Variants in BRINP3 observed in about 807,000 individuals in gnomAD.
BRINP3 encodes the protein BMP/retinoic acid-inducible neural-specific protein 3.
BRINP3 carries 19 observed loss-of-function variants against 71.0 expected under a neutral mutation model. The ratio of observed to expected loss-of-function variants is 0.27; its 90% CI spans 0.19 to 0.39. The LOEUF (loss-of-function observed/expected upper bound fraction) is 0.39. Ranked by LOEUF, BRINP3 falls within the 10% of genes least tolerant of loss-of-function variation. The pLI, the probability that BRINP3 is intolerant of heterozygous loss-of-function variation, is 1.00. For synonymous variants in BRINP3, 380 were observed against 337.7 expected (o/e 1.13, Z -1.37); for missense variants, 959 against 940.8 (o/e 1.02, Z -0.25).
chr1:190,352,365 A>G (rs912827881), intron 2 of BRINP3, among the ~76,000 whole-genome samples: 3 of 152,032 alleles, frequency 2.0e-5, no homozygotes, highest in African/African-American at 7.2e-5. Context: ...TCAAATGCGA[A>G]GGGTAAATAC....
intron 5 of BRINP3, among the ~76,000 whole-genome samples, chr1:190,232,745 A>T (rs1339539221): frequency 6.6e-6 from 1 of 152,184 alleles, no homozygotes; most frequent in African/African-American, 2.4e-5. Flanking sequence ...TAATTCAGAC[A>T]CAAATCAATA....
rs866266631 is a variant in BRINP3, at chr1:190,150,072, T to A, written c.1184+10596A>T. 7.2e-5 allele frequency among the ~76,000 whole-genome samples: 11 copies of A among 152,260 alleles called. 1 individual carries two copies. Among genetic ancestry groups the A allele is most frequent in the South Asian group, 6.2e-4 (3 of 4,822 alleles). ...TCACATTTTTTTTCAGTGTTAGGGA[T>A]TTGTGCTGGTATGCATCTCATAATA... On this transcript the variant is annotated intron_variant, in intron 7 of 7. Transcript: ENST00000367462.
rs1189800828 is a variant in BRINP3 at position 190,160,803 on chromosome 1, T to C, written c.1049A>G (p.Asn350Ser). Residue 350 changes from asparagine to serine, a missense_variant, in exon 7 of 8, where the codon AAT becomes AGT. By Grantham distance (46) the Asn-to-Ser change is conservative. Coordinates refer to ENST00000367462, the MANE Select transcript of BRINP3 (RefSeq NM_199051.3). ...TIMHLWTMDS[N>S]FQRRYEQLEN... ...CAGTTGTTCATAACGGCGCTGAAAA[T>C]TAGAATCCATTGTCCACAAATGCAT... The C allele has an allele frequency of 1.2e-6, 2 of 1,613,528 alleles. No homozygotes were observed. The highest frequency in any genetic ancestry group is 3.3e-5 in the Admixed American group (2 of 59,920).
At position 190,337,263 on chromosome 1, in the gene BRINP3, T is replaced by A. The variant is rs1226734205; in HGVS notation, c.237-55513A>T. On this transcript the variant is annotated intron_variant, in intron 2 of 7. Coordinates refer to ENST00000367462, the MANE Select transcript of BRINP3 (RefSeq NM_199051.3). The stretch of plus-strand genomic sequence containing the variant: ...TTCCAGTTCCCTATGCTTTGTTAGC[T>A]TTTGTTGCCTTCTGTTGACTTTGGA... Among the ~76,000 whole-genome samples, 5 of 152,088 alleles carry A rather than the reference T, an allele frequency of 3.3e-5. No individual in the cohort carries two copies. The East Asian group carries it at 9.7e-4, about 29-fold the overall frequency.
intron 2 of BRINP3, among the ~76,000 whole-genome samples, chr1:190,289,584 A>G (rs1416336112): frequency 1.3e-5 from 2 of 152,016 alleles, no homozygotes; most frequent in Non-Finnish European, 2.9e-5. Context: ...ACAATTTTAC[A>G]CACAAACACT....
At chr1:190,117,730 C>T (rs1302504642) in intron 7 of BRINP3, among the ~76,000 whole-genome samples, 3 of 151,996 alleles carry the variant, frequency 2.0e-5, no homozygotes, top group Admixed American at 6.6e-5. Flanking sequence ...TTGACAAGAA[C>T]TAACACCTGG....
chr1:190,112,175 A>G (rs1203058100), intron 7 of BRINP3, among the ~76,000 whole-genome samples: 1 of 152,178 alleles, frequency 6.6e-6, no homozygotes, highest in Non-Finnish European at 1.5e-5. Context: ...GAGAATGTGG[A>G]GGTTTGAAGC....
chr1:190,416,244 G>T (rs1240314543), intron 2 of BRINP3, among the ~76,000 whole-genome samples: 1 of 152,020 alleles, frequency 6.6e-6, no homozygotes, highest in Non-Finnish European at 1.5e-5. Context: ...CATTATATAA[G>T]ACAGAATTCT....
At chr1:190,342,386 A>AC (rs1667721713) in intron 2 of BRINP3, 1 of 151,120 alleles carries the variant, frequency 6.6e-6, no homozygotes, top group Admixed American at 6.6e-5. Context: ...AAAAAAAAAA[A>AC]AAAAAATGAT....
intron 2 of BRINP3, among the ~76,000 whole-genome samples, chr1:190,327,473 G>A (rs1571758439): frequency 2.5e-5 from 3 of 121,416 alleles, no homozygotes; most frequent in South Asian, 2.9e-4. Flanking sequence ...AGAGATCAAG[G>A]ACACAAACAA....
chr1:190,111,182 T>TAAAAAAA lies in BRINP3; in HGVS notation c.1185-12055_1185-12049dup, dbSNP rs750953190. Among the ~76,000 whole-genome samples, 19 of 61,798 alleles carry TAAAAAAA rather than the reference T, an allele frequency of 3.1e-4. 1 individual carries two copies. The highest frequency in any genetic ancestry group is 1.5e-3 in the African/African-American group (19 of 12,536). The allele number at this position is 61,798 out of a possible 152,430, so 40.5% of individuals were successfully genotyped here. ...CCTGGGCGACAGAGCAAGACTCCATTAAAAAAAAAAAAAAAAAAAAAAAAA... is the reference window on the plus strand; with the variant it reads ...CCTGGGCGACAGAGCAAGACTCCATTAAAAAAAAAAAAAAAAAAAAAAAAAAAAAAAA... On this transcript the variant is annotated intron_variant, in intron 7 of 7. Transcript: ENST00000367462.
At position 190,153,841 on chromosome 1, in the gene BRINP3, ACT is replaced by A. The variant is rs1455353563; in HGVS notation, c.1184+6825_1184+6826del. Among the ~76,000 whole-genome samples, 8 of 152,216 alleles carry A rather than the reference ACT, an allele frequency of 5.3e-5. No homozygotes were observed. In the East Asian group the frequency reaches 9.7e-4, roughly 18 times the overall value. ...ACAACAGCCTGAGCAACAGTGTAAG[ACT>A]CTGTCTCAACAAAATGAATAAGTAA... On this transcript the variant is annotated intron_variant, in intron 7 of 7. Coordinates refer to ENST00000367462, the MANE Select transcript of BRINP3 (RefSeq NM_199051.3).
At chr1:190,223,962 T>C (rs1179515542) in intron 6 of BRINP3, among the ~76,000 whole-genome samples, 2 of 151,682 alleles carry the variant, frequency 1.3e-5, no homozygotes, top group African/African-American at 2.4e-5. Context: ...TAAGAAAAAC[T>C]ATGAAATTCT....
chr1:190,396,712 T>TTATA lies in BRINP3; in HGVS notation c.236+57942_236+57943insTATA, dbSNP rs1558249085. Among the ~76,000 whole-genome samples, 12 of 38,306 alleles carry TTATA rather than the reference T, an allele frequency of 3.1e-4. 1 individual carries two copies. In the South Asian group the frequency reaches 4.5e-3, roughly 14 times the overall value. 25.1% of individuals were successfully genotyped at this position (38,306 alleles called of 152,430 possible). ...AACGCACTATGCATTCCTAATTTAA[T>TTATA]GATATATATATATATATATATATAT... On this transcript the variant is annotated intron_variant, in intron 2 of 7. Transcript: ENST00000367462.
chr1:190,272,570 C>T (rs1188842883), intron 3 of BRINP3, among the ~76,000 whole-genome samples: 2 of 151,288 alleles, frequency 1.3e-5, no homozygotes, highest in Non-Finnish European at 3.0e-5. Flanking sequence ...TTATTAAGAC[C>T]TAACAGTTGA....
chr1:190,358,846 T>C (rs1668927572), intron 2 of BRINP3, among the ~76,000 whole-genome samples: 1 of 152,008 alleles, frequency 6.6e-6, no homozygotes, highest in South Asian at 2.1e-4. Context: ...AAATGATGAG[T>C]TCATGTCCTT....
intron 7 of BRINP3, among the ~76,000 whole-genome samples, chr1:190,108,260 T>C (rs1419321150): frequency 1.3e-5 from 2 of 151,936 alleles, no homozygotes; most frequent in East Asian, 1.9e-4. Context: ...ACCGCATTAA[T>C]AGAGATGCCA....
At chr1:190,202,273 G>A (rs1655074284) in intron 6 of BRINP3, among the ~76,000 whole-genome samples, 1 of 152,132 alleles carries the variant, frequency 6.6e-6, no homozygotes, top group African/African-American at 2.4e-5. Context: ...CATGAGGCCT[G>A]TAGCTACTTT....
At chr1:190,361,438 C>T (rs1405128014) in intron 2 of BRINP3, among the ~76,000 whole-genome samples, 1 of 151,950 alleles carries the variant, frequency 6.6e-6, no homozygotes, top group Non-Finnish European at 1.5e-5. Context: ...AAGTCTTGCT[C>T]TGTCACCAGG....
Sources: gnomAD v4.1 joint callset for allele counts (sites outside exome capture counted in the v4.1 genomes callset) on GRCh38, gnomAD v4.1.1 for gene constraint, MANE v1.5 for transcripts, NCBI Gene and HGNC (gene_info 2026-07-23, HGNC 2026-07-21) for gene names.